Variants in DOCK5 observed in about 807,000 individuals in gnomAD.
The protein encoded by DOCK5 is dedicator of cytokinesis protein 5.
Under a neutral mutation model 251.8 loss-of-function variants are expected in DOCK5, and 142 were observed. The observed-to-expected ratio is 0.56, with a 90% CI of 0.49 to 0.65. DOCK5 has a LOEUF of 0.65. Among genes scored for constraint, DOCK5 ranks in the 30% least tolerant of loss-of-function variants. The pLI is 0.00. For synonymous variants in DOCK5, 842 were observed against 835.5 expected, an observed-to-expected ratio of 1.01 and a Z score of -0.13; for missense variants, 2,111 against 2,312.3, an observed-to-expected ratio of 0.91 and a Z score of 1.79.
intron 25 of DOCK5, among the ~76,000 whole-genome samples, chr8:25,342,952 G>A (rs984051006): frequency 1.3e-5 from 2 of 151,606 alleles, no homozygotes; most frequent in East Asian, 2.0e-4. Flanking sequence ...TGATCCACCC[G>A]CCTCGGCCTC....
intron 6 of DOCK5, 41 bp from the exon 7 acceptor site, chr8:25,296,472 C>T: frequency 6.3e-7 from 1 of 1,586,374 alleles, no homozygotes. Context: ...AAAAGTCTGC[C>T]CCTGGTGAGG....
intron 1 of DOCK5, among the ~76,000 whole-genome samples, chr8:25,201,614 T>C (rs1801879423): frequency 1.3e-5 from 2 of 152,202 alleles, no homozygotes; most frequent in South Asian, 2.1e-4. Context: ...GCAAGAGCCA[T>C]TGGCTGCAGA....
At chr8:25,205,803 C>T (rs185966645) in intron 1 of DOCK5, among the ~76,000 whole-genome samples, 5 of 152,232 alleles carry the variant, frequency 3.3e-5, no homozygotes, top group East Asian at 3.9e-4. Context: ...TCATCTTCAC[C>T]GATTCACCAG....
At chr8:25,379,761 C>T (rs1396978914) in intron 38 of DOCK5, among the ~76,000 whole-genome samples, 1 of 152,104 alleles carries the variant, frequency 6.6e-6, no homozygotes, top group Non-Finnish European at 1.5e-5. Flanking sequence ...TCCAGCCGGT[C>T]CCTCCATTCG....
chr8:25,324,553 G>A (rs1586330009), intron 17 of DOCK5, among the ~76,000 whole-genome samples: 2 of 152,186 alleles, frequency 1.3e-5, no homozygotes, highest in East Asian at 3.8e-4. Context: ...ATCTACCTGA[G>A]GAATATTTTT....
intron 2 of DOCK5, among the ~76,000 whole-genome samples, chr8:25,264,786 C>T (rs1235880484): frequency 6.6e-6 from 1 of 151,916 alleles, no homozygotes; most frequent in Non-Finnish European, 1.5e-5. Context: ...AACATTGCAC[C>T]ACTGCACTCC....
chr8:25,229,308 C>T (rs1432637446), intron 1 of DOCK5, among the ~76,000 whole-genome samples: 1 of 151,920 alleles, frequency 6.6e-6, no homozygotes, highest in Non-Finnish European at 1.5e-5. Flanking sequence ...ATAGTGAAAC[C>T]CCATCTCTAC....
chr8:25,391,405 G>A (rs2117319617), intron 42 of DOCK5, among the ~76,000 whole-genome samples: 1 of 152,076 alleles, frequency 6.6e-6, no homozygotes, highest in East Asian at 1.9e-4. Flanking sequence ...TGAGGCTGAG[G>A]CGGGTGGATC....
At chr8:25,187,948 G>A (rs535571567) in intron 1 of DOCK5, among the ~76,000 whole-genome samples, 14 of 152,064 alleles carry the variant, frequency 9.2e-5, no homozygotes, top group African/African-American at 3.4e-4. Flanking sequence ...CTTCTTCCTC[G>A]CAGTTCCTGG....
intron 2 of DOCK5, among the ~76,000 whole-genome samples, chr8:25,248,834 C>G (rs1275600238): frequency 6.6e-6 from 1 of 152,018 alleles, no homozygotes; most frequent in African/African-American, 2.4e-5. Flanking sequence ...CCAAGGCAAG[C>G]TGGTGTAGAG....
chr8:25,242,023 G>C (rs1467528400), intron 1 of DOCK5, among the ~76,000 whole-genome samples: 1 of 152,058 alleles, frequency 6.6e-6, no homozygotes, highest in Non-Finnish European at 1.5e-5. Flanking sequence ...GTCTAGGGGA[G>C]GGATAGTATT....
intron 34 of DOCK5, 112 bp from the exon 35 acceptor site, chr8:25,372,447 T>C (rs1166242990): frequency 7.3e-6 from 8 of 1,091,272 alleles, no homozygotes; most frequent in Non-Finnish European, 1.0e-5. Context: ...ATTGACGTTC[T>C]GTGTCATCAA....
intron 1 of DOCK5, among the ~76,000 whole-genome samples, chr8:25,240,513 T>G (rs1217908696): frequency 6.6e-6 from 1 of 152,194 alleles, no homozygotes; most frequent in African/African-American, 2.4e-5. Context: ...TTGCCTTTGA[T>G]AGATTTGCTA....
intron 2 of DOCK5, among the ~76,000 whole-genome samples, chr8:25,267,173 A>G (rs1339887950): frequency 6.6e-6 from 1 of 152,250 alleles, no homozygotes; most frequent in East Asian, 1.9e-4. Flanking sequence ...CTGGGGAGAA[A>G]TGCTTAGCTT....
chr8:25,388,688 T>C, intron 40 of DOCK5: 1 of 183,962 alleles, frequency 5.4e-6, no homozygotes, highest in Non-Finnish European at 1.2e-5. Flanking sequence ...TAGGAGTTTA[T>C]ACCTCAATGT....
intron 37 of DOCK5, chr8:25,376,264 G>C (rs1484272687): frequency 1.0e-6 from 1 of 985,236 alleles, no homozygotes; most frequent in Non-Finnish European, 1.2e-6. Context: ...CTATCCTGGT[G>C]TAAGATATGA....
intron 26 of DOCK5, among the ~76,000 whole-genome samples, chr8:25,346,496 G>A (rs1056352746): frequency 6.6e-5 from 10 of 151,638 alleles, no homozygotes; most frequent in Non-Finnish European, 1.0e-4. Flanking sequence ...CTCATCTTGC[G>A]TTTTCTCTGT....
intron 22 of DOCK5, among the ~76,000 whole-genome samples, chr8:25,339,324 C>T (rs1169851090): frequency 6.6e-6 from 1 of 152,062 alleles, no homozygotes; most frequent in African/African-American, 2.4e-5. Context: ...CCTTAGCCCC[C>T]TATCATTAGT....
Position 25,411,338 on chromosome 8 carries a change from C to A in DOCK5, c.*40C>A. The A allele has an allele frequency of 7.1e-7, 1 of 1,404,936 alleles. No homozygotes were observed. Among genetic ancestry groups the A allele is most frequent in the Non-Finnish European group, 9.3e-7 (1 of 1,076,084 alleles). 87.0% of individuals were successfully genotyped at this position (1,404,936 alleles called of 1,614,324 possible). Reference sequence around the variant, plus strand: ...CTGCAACACCGAGTGCCTTAGACAGCTGCTGCCTGAGAACTGGCCTCCAGC... The same window carrying A: ...CTGCAACACCGAGTGCCTTAGACAGATGCTGCCTGAGAACTGGCCTCCAGC... On this transcript the variant is annotated 3_prime_UTR_variant, in exon 52 of 52. Transcript: ENST00000276440.
Sources: allele counts gnomAD v4.1 joint callset (sites outside exome capture counted in the v4.1 genomes callset), GRCh38; gene constraint gnomAD v4.1.1; transcripts MANE v1.5; gene names NCBI Gene and HGNC (gene_info 2026-07-23, HGNC 2026-07-21).